The following ADCY9 variants were observed in gnomAD, a reference collection of about 807,000 sequenced individuals.
The protein encoded by ADCY9 is adenylate cyclase type 9.
A neutral mutation model predicts 101.5 loss-of-function variants in ADCY9; 50 were observed. The observed-to-expected ratio is 0.49, with a 90% CI of 0.39 to 0.62. The LOEUF (loss-of-function observed/expected upper bound fraction) is 0.62. Among genes scored for constraint, ADCY9 ranks in the 20% least tolerant of loss-of-function variants. The pLI, the probability that ADCY9 is intolerant of heterozygous loss-of-function variation, is 0.00. For synonymous variants in ADCY9, 905 were observed against 769.3 expected (o/e 1.18, Z -2.92); for missense variants, 1,662 against 1,800.4 (o/e 0.92, Z 1.39).
intron 2 of ADCY9, among the ~76,000 whole-genome samples, chr16:4,018,494 T>C (rs886751348): frequency 2.0e-5 from 3 of 152,300 alleles, no homozygotes; most frequent in South Asian, 2.1e-4. Context: ...ATTACAGGCG[T>C]GAGCCACCGC....
At chr16:4,000,268 G>C (rs1173077973) in intron 3 of ADCY9, among the ~76,000 whole-genome samples, 1 of 152,180 alleles carries the variant, frequency 6.6e-6, no homozygotes, top group Non-Finnish European at 1.5e-5. Flanking sequence ...TACAGATGAG[G>C]ACACTGAGAC....
intron 2 of ADCY9, among the ~76,000 whole-genome samples, chr16:4,067,657 C>A (rs2056808588): frequency 6.6e-6 from 1 of 152,048 alleles, no homozygotes; most frequent in South Asian, 2.1e-4. Context: ...AGAACTGGAC[C>A]CCCAGAGAAG....
chr16:4,082,861 G>T (rs961527733), intron 2 of ADCY9, among the ~76,000 whole-genome samples: 1 of 152,268 alleles, frequency 6.6e-6, no homozygotes, highest in Non-Finnish European at 1.5e-5. Flanking sequence ...TAAGGAGGAT[G>T]TGGCACATGG....
chr16:4,023,399 A>G (rs548635657), intron 2 of ADCY9, among the ~76,000 whole-genome samples: 15 of 152,364 alleles, frequency 9.8e-5, no homozygotes, highest in African/African-American at 3.4e-4. Flanking sequence ...TCCTTTCTGA[A>G]GAAATGAGAC....
chr16:4,019,843 C>T, intron 2 of ADCY9, among the ~76,000 whole-genome samples: 1 of 152,166 alleles, frequency 6.6e-6, no homozygotes. Flanking sequence ...TTTGGGAGGC[C>T]AAGGTGGAAG....
chr16:4,049,112 A>G (rs968926255), intron 2 of ADCY9, among the ~76,000 whole-genome samples: 1 of 152,200 alleles, frequency 6.6e-6, no homozygotes, highest in Non-Finnish European at 1.5e-5. Flanking sequence ...GCTCACCCGG[A>G]AGGCATTACA....
rs1346565154 is a variant in ADCY9, at chr16:4,071,969, T to C, written c.1693+41781A>G. ...GGGATTACAGGCGATTCTCTTTCTA[T>C]TGCAATCTCTGTGTGCACAGAATTC... On this transcript the variant is annotated intron_variant, in intron 2 of 10. Transcript: ENST00000294016. Among the ~76,000 whole-genome samples, 3 of 152,252 alleles carry C rather than the reference T, an allele frequency of 2.0e-5. No homozygotes were observed. In the East Asian group the frequency reaches 5.8e-4, roughly 29 times the overall value.
rs78480885 is a variant in ADCY9, at chr16:4,012,441, G to A, written c.1694-4883C>T. Among the ~76,000 whole-genome samples the A allele has an allele frequency of 2.5e-4, 36 of 141,924 alleles. 1 individual carries two copies. In the East Asian group the frequency reaches 7.6e-3, roughly 30 times the overall value. The allele number at this position is 141,924 out of a possible 152,430, so 93.1% of individuals were successfully genotyped here. ...CACACACATGGACCCTGGGGTCCAA[G>A]TTCATTAGAATGGCTCTTTTGCAGC... On this transcript the variant is annotated intron_variant, in intron 2 of 10. Coordinates refer to ENST00000294016, the MANE Select transcript of ADCY9 (RefSeq NM_001116.4).
chr16:4,032,551 C>T (rs2056563217), intron 2 of ADCY9, among the ~76,000 whole-genome samples: 1 of 150,660 alleles, frequency 6.6e-6, no homozygotes, highest in Non-Finnish European at 1.5e-5. Context: ...CTCTTGTTGC[C>T]CAGGCTGGAG....
intron 2 of ADCY9, among the ~76,000 whole-genome samples, chr16:4,104,748 T>C (rs988879026): frequency 4.6e-5 from 7 of 152,208 alleles, no homozygotes; most frequent in African/African-American, 1.7e-4. Context: ...TTTCAACATA[T>C]TGCAACAAAT....
At chr16:4,066,622 T>C (rs1282043737) in intron 2 of ADCY9, among the ~76,000 whole-genome samples, 1 of 152,130 alleles carries the variant, frequency 6.6e-6, no homozygotes, top group Admixed American at 6.5e-5. Flanking sequence ...TGGGCTCAGG[T>C]GATCCTCCCG....
In ADCY9 at chr16:4,114,358, G is replaced by A. The variant is rs867660253; in HGVS notation, c.1085C>T (p.Ala362Val). 1 of 1,614,026 alleles carries A rather than the reference G, an allele frequency of 6.2e-7. No homozygotes were observed. Among genetic ancestry groups the A allele is most frequent in the African/African-American group, 1.3e-5 (1 of 75,056 alleles). ...EESENSVKRH[A>V]TSSPKNRKKK... is the part of the protein sequence containing the mutation. ...CTTCCTGTTCTTGGGGCTCGAGGTG[G>A]CATGCCTCTTGACAGAATTCTCACT... The change falls in exon 2 of 11, where the codon GCC becomes GTC. Residue 362 changes from alanine (A) to valine (V), a missense_variant. Transcript: ENST00000294016. This position sits in a 1 kb window ranked among gnomAD's most constrained non-coding sequence, Gnocchi z 4.3.
At chr16:4,103,159 T>C (rs760960272) in intron 2 of ADCY9, among the ~76,000 whole-genome samples, 9 of 152,242 alleles carry the variant, frequency 5.9e-5, no homozygotes, top group African/African-American at 2.2e-4. Context: ...CAATATGTAA[T>C]GGGTGTGACA....
intron 3 of ADCY9, 83 bp from the exon 4 acceptor site, chr16:3,993,593 C>A (rs1446045968): frequency 1.2e-5 from 18 of 1,544,438 alleles, no homozygotes; most frequent in Admixed American, 1.7e-5. Context: ...CTGTTGCCAT[C>A]TGCCGTCACG....
At chr16:4,062,121 C>T (rs2056777004) in intron 2 of ADCY9, among the ~76,000 whole-genome samples, 1 of 152,158 alleles carries the variant, frequency 6.6e-6, no homozygotes, top group Admixed American at 6.5e-5. Flanking sequence ...GAGTTTGAAA[C>T]CAGCCTGGGC....
chr16:4,058,481 A>G (rs189998303), intron 2 of ADCY9, among the ~76,000 whole-genome samples: 234 of 152,032 alleles, frequency 1.5e-3, no homozygotes, highest in Middle Eastern at 3.4e-3. Context: ...AAAAAAAAAA[A>G]AAGAAGAAGA....
chr16:4,090,901 C>T (rs1458898546), intron 2 of ADCY9, among the ~76,000 whole-genome samples: 1 of 151,752 alleles, frequency 6.6e-6, no homozygotes, highest in Admixed American at 6.6e-5. Context: ...ATCCTAATCA[C>T]AAAACTATTC....
At chr16:3,980,374 T>C (rs1444773371) in intron 7 of ADCY9, among the ~76,000 whole-genome samples, 2 of 152,172 alleles carry the variant, frequency 1.3e-5, no homozygotes, top group Admixed American at 6.5e-5. Context: ...CAAGGACCCC[T>C]GGGCCATGGT....
At chr16:4,027,087 G>A (rs2056520905) in intron 2 of ADCY9, among the ~76,000 whole-genome samples, 2 of 152,066 alleles carry the variant, frequency 1.3e-5, no homozygotes, top group Admixed American at 6.6e-5. Flanking sequence ...AATCAGACTG[G>A]TCACAGGCCA....
Sources: gnomAD v4.1 joint callset for allele counts (sites outside exome capture counted in the v4.1 genomes callset) on GRCh38, gnomAD v4.1.1 for gene constraint, Gnocchi (gnomAD v3.1) non-coding constraint, MANE v1.5 for transcripts, NCBI Gene and HGNC (gene_info 2026-07-23, HGNC 2026-07-21) for gene names.